The following EDC3 variants were observed in gnomAD, a reference collection of about 807,000 sequenced individuals.
The protein encoded by EDC3 is enhancer of mRNA decapping 3, also known as enhancer of mRNA-decapping protein 3.
EDC3 carries 20 observed loss-of-function variants against 41.8 expected under a neutral mutation model. That is an observed-to-expected ratio of 0.48 (90% CI 0.34 to 0.70). EDC3 has a LOEUF of 0.70. Among genes scored for constraint, EDC3 ranks in the 30% least tolerant of loss-of-function variants. EDC3 has a pLI of 0.01. For synonymous variants in EDC3, 206 were observed against 243.2 expected (o/e 0.85, Z 1.42); for missense variants, 444 against 636.8 (o/e 0.70, Z 3.26).
At chr15:74,656,630 C>T (rs896255116) in intron 3 of EDC3, among the ~76,000 whole-genome samples, 1 of 152,164 alleles carries the variant, frequency 6.6e-6, no homozygotes, top group Non-Finnish European at 1.5e-5. Flanking sequence ...ATGACAGAGG[C>T]AGGAGGCAGA....
intron 4 of EDC3, among the ~76,000 whole-genome samples, chr15:74,645,957 A>C (rs998431529): frequency 2.4e-4 from 37 of 152,178 alleles, no homozygotes; most frequent in African/African-American, 8.7e-4. Context: ...GTAACAGTAC[A>C]TCAAGCAAGT....
intron 6 of EDC3, among the ~76,000 whole-genome samples, chr15:74,633,788 A>G (rs1483425013): frequency 6.6e-6 from 1 of 152,208 alleles, no homozygotes; most frequent in Non-Finnish European, 1.5e-5. Context: ...GTTAAAAATT[A>G]CAAGGGGAAC....
chr15:74,646,061 T>TG (rs2062413833), intron 4 of EDC3, among the ~76,000 whole-genome samples: 3 of 138,518 alleles, frequency 2.2e-5, no homozygotes, highest in Non-Finnish European at 4.5e-5. Context: ...TTGTTGTTGT[T>TG]TTGTTTTTTT....
chr15:74,681,674 T>C (rs550133021), intron 1 of EDC3, among the ~76,000 whole-genome samples: 9 of 152,246 alleles, frequency 5.9e-5, no homozygotes, highest in South Asian at 4.1e-4. Context: ...TTACAACAAA[T>C]AGCGCTGGAG....
chr15:74,651,185 G>C (rs145626901), intron 4 of EDC3, among the ~76,000 whole-genome samples: 270 of 152,232 alleles, frequency 1.8e-3, no homozygotes, highest in African/African-American at 6.3e-3. Context: ...CGTAGAATCA[G>C]TCTTCAAAGA....
At chr15:74,654,378 CT>C (rs1197022597) in intron 4 of EDC3, among the ~76,000 whole-genome samples, 2 of 152,184 alleles carry the variant, frequency 1.3e-5, no homozygotes, top group East Asian at 3.8e-4. Flanking sequence ...GGAGCAGCTT[CT>C]TTTACAAAGA....
intron 3 of EDC3, among the ~76,000 whole-genome samples, chr15:74,663,698 CAAAAAAA>C (rs1286912414): frequency 3.0e-5 from 2 of 66,882 alleles, no homozygotes; most frequent in African/African-American, 6.0e-5. Flanking sequence ...TGTTCAGTTT[CAAAAAAA>C]AAAAAAAAAA....
chr15:74,647,921 C>T (rs2062435685), intron 4 of EDC3, among the ~76,000 whole-genome samples: 1 of 152,174 alleles, frequency 6.6e-6, no homozygotes, highest in African/African-American at 2.4e-5. Context: ...CCTGATGTCT[C>T]CCAGAATAAC....
At chr15:74,679,012 G>T (rs1279609898) in intron 1 of EDC3, among the ~76,000 whole-genome samples, 1 of 151,204 alleles carries the variant, frequency 6.6e-6, no homozygotes, top group Non-Finnish European at 1.5e-5. Flanking sequence ...CCAACATGGT[G>T]AAACCCCATC....
chr15:74,690,906 T>C (rs757168596), intron 1 of EDC3, among the ~76,000 whole-genome samples: 2 of 152,116 alleles, frequency 1.3e-5, no homozygotes, highest in Non-Finnish European at 2.9e-5. Context: ...ACACTGGGTG[T>C]GGTGGCTCAC....
Position 74,632,645 on chromosome 15 carries a change from G to A in EDC3, c.1494C>T (p.Gly498=), listed in dbSNP as rs1421703359. 2 of 1,614,064 alleles carry A rather than the reference G, an allele frequency of 1.2e-6. No individual in the cohort carries two copies. Among genetic ancestry groups the A allele is most frequent in the East Asian group, 2.2e-5 (1 of 44,890 alleles). ...EVGINYHSPF[G]CKFVIPLHSA is the part of the protein sequence containing the mutation. The stretch of plus-strand genomic sequence containing the variant: ...AGTGCAGTGGGATAACAAACTTGCA[G>A]CCAAAGGGCGAGTGGTAGTTGATGC... The change falls in exon 7 of 7, where the codon GGC becomes GGT. Residue 498 remains glycine, a synonymous_variant. Coordinates refer to ENST00000315127, the MANE Select transcript of EDC3 (RefSeq NM_025083.5). This position sits in a 1 kb window ranked among gnomAD's most constrained non-coding sequence, Gnocchi z 4.0.
At chr15:74,680,361 A>G (rs1337582975) in intron 1 of EDC3, among the ~76,000 whole-genome samples, 1 of 152,102 alleles carries the variant, frequency 6.6e-6, no homozygotes, top group Non-Finnish European at 1.5e-5. Flanking sequence ...CAATCAATGT[A>G]ATCTACCATA....
chr15:74,631,437 C>CTATG lies in EDC3; in HGVS notation c.*1171_*1174dup. The CTATG allele has an allele frequency of 6.6e-6, 1 of 152,250 alleles. No homozygotes were observed. The highest frequency in any genetic ancestry group is 1.9e-4 in the East Asian group (1 of 5,204). The allele number at this position is 152,250 out of a possible 1,614,324, so 9.4% of individuals were successfully genotyped here. A position where few individuals can be genotyped will look rare whatever the true frequency, so the allele number is the denominator to read the frequency against. On this transcript the variant is annotated 3_prime_UTR_variant, in exon 7 of 7. Coordinates refer to ENST00000315127, the MANE Select transcript of EDC3 (RefSeq NM_025083.5). ...TTAGGATTTGAGCATCAGTGTGTTCCTATGGTTGGAACCCACACCAGCTAG... is the reference window on the plus strand; with the variant it reads ...TTAGGATTTGAGCATCAGTGTGTTCCTATGTATGGTTGGAACCCACACCAGCTAG...
At chr15:74,673,157 T>C (rs1234468687) in intron 2 of EDC3, among the ~76,000 whole-genome samples, 1 of 152,074 alleles carries the variant, frequency 6.6e-6, no homozygotes, top group African/African-American at 2.4e-5. Context: ...ACAATGGATT[T>C]TCCTGGTGGC....
intron 4 of EDC3, among the ~76,000 whole-genome samples, chr15:74,652,846 C>T (rs1258452786): frequency 6.6e-6 from 1 of 151,898 alleles, no homozygotes; most frequent in African/African-American, 2.4e-5. Context: ...TCCCGAAGTG[C>T]TGGGATTACA....
intron 4 of EDC3, 57 bp downstream of exon 4, chr15:74,655,676 C>A: frequency 1.3e-6 from 2 of 1,504,010 alleles, no homozygotes; most frequent in Admixed American, 4.3e-5. Flanking sequence ...CTTTCTGTTT[C>A]AAGCATAATA....
At chr15:74,659,089 C>A (rs2062588836) in intron 3 of EDC3, among the ~76,000 whole-genome samples, 1 of 152,198 alleles carries the variant, frequency 6.6e-6, no homozygotes, top group Non-Finnish European at 1.5e-5. Flanking sequence ...TTTGATGAAG[C>A]ACTCTGTGAG....
At chr15:74,644,923 G>A (rs1386092107) in intron 4 of EDC3, 1 of 151,868 alleles carries the variant, frequency 6.6e-6, no homozygotes. Flanking sequence ...GGGATACAAT[G>A]TACTCCCTGA....
intron 4 of EDC3, among the ~76,000 whole-genome samples, chr15:74,647,668 G>A (rs1182765053): frequency 6.6e-6 from 1 of 152,174 alleles, no homozygotes; most frequent in East Asian, 1.9e-4. Context: ...CAGGAACTCT[G>A]AAGGATTCCA....
Sources: allele counts gnomAD v4.1 joint callset (sites outside exome capture counted in the v4.1 genomes callset), GRCh38; gene constraint gnomAD v4.1.1; non-coding constraint Gnocchi (gnomAD v3.1); transcripts MANE v1.5; gene names NCBI Gene and HGNC (gene_info 2026-07-23, HGNC 2026-07-21).